NPFFR2: variants seen among roughly 807,000 people sequenced by gnomAD.
The protein encoded by NPFFR2 is neuropeptide FF receptor 2.
In NPFFR2, 15 loss-of-function variants were observed where a neutral mutation model predicts 13.1. The observed-to-expected ratio is 1.15, with a 90% confidence interval of 0.77 to 1.76. The LOEUF is 1.76. NPFFR2 is among the 40% of genes most tolerant of loss of function. The pLI, the probability that NPFFR2 is intolerant of heterozygous loss-of-function variation, is 0.00. For missense variants in NPFFR2, 572 were observed against 503.5 expected (o/e 1.14, Z -1.30); for synonymous variants, 190 against 175.7 (o/e 1.08, Z -0.65).
At chr4:72,131,977 T>C (rs1722257794) in intron 2 of NPFFR2, among the ~76,000 whole-genome samples, 1 of 152,106 alleles carries the variant, frequency 6.6e-6, no homozygotes, top group Non-Finnish European at 1.5e-5. Flanking sequence ...TTGATAATTA[T>C]TGTTATCACT....
intron 1 of NPFFR2, among the ~76,000 whole-genome samples, chr4:72,078,234 A>G (rs1720501685): frequency 6.6e-6 from 1 of 152,140 alleles, no homozygotes; most frequent in Non-Finnish European, 1.5e-5. Context: ...TGTAGCAACA[A>G]AATTGCTGCT....
chr4:72,074,765 A>G (rs908176845), intron 1 of NPFFR2, among the ~76,000 whole-genome samples: 2 of 152,172 alleles, frequency 1.3e-5, no homozygotes, highest in African/African-American at 4.8e-5. Flanking sequence ...TGATCCAACT[A>G]TATGCTGTCT....
rs937006796 is a variant in NPFFR2 at position 72,096,599 on chromosome 4, A to T, written c.-7-31986A>T. ...AGCATCTACTTTTAATATTGTATGAAGGAAGCTACATCAGTATCAACCAAG... is the reference window on the plus strand; with the variant it reads ...AGCATCTACTTTTAATATTGTATGATGGAAGCTACATCAGTATCAACCAAG... On this transcript the variant is annotated intron_variant, in intron 1 of 3. Transcript: ENST00000308744. 2.6e-5 allele frequency among the ~76,000 whole-genome samples: 4 copies of T among 152,236 alleles called. No individual in the cohort carries two copies. The South Asian group carries it at 6.2e-4, about 24-fold the overall frequency.
At chr4:72,106,455 T>C (rs1255509975) in intron 1 of NPFFR2, among the ~76,000 whole-genome samples, 1 of 152,048 alleles carries the variant, frequency 6.6e-6, no homozygotes, top group Admixed American at 6.6e-5. Context: ...CAGCCAGAGA[T>C]GAATTGCCCC....
At chr4:72,105,550 A>G (rs184356555) in intron 1 of NPFFR2, among the ~76,000 whole-genome samples, 63 of 152,142 alleles carry the variant, frequency 4.1e-4, no homozygotes, top group Non-Finnish European at 7.8e-4. Flanking sequence ...AGGAAAGATA[A>G]AACATCAAAA....
intron 1 of NPFFR2, among the ~76,000 whole-genome samples, chr4:72,050,279 G>A (rs7687603): frequency 6.6e-6 from 1 of 151,756 alleles, no homozygotes; most frequent in Non-Finnish European, 1.5e-5. Context: ...AGAAGACAGG[G>A]TACTATATAA....
intron 1 of NPFFR2, among the ~76,000 whole-genome samples, chr4:72,116,071 A>T (rs1386765229): frequency 6.6e-6 from 1 of 152,178 alleles, no homozygotes; most frequent in Non-Finnish European, 1.5e-5. Flanking sequence ...AGAGTAGGAT[A>T]TCCCTAGCAA....
chr4:72,088,846 A>C (rs1720839974), intron 1 of NPFFR2, among the ~76,000 whole-genome samples: 1 of 151,662 alleles, frequency 6.6e-6, no homozygotes, highest in Admixed American at 6.6e-5. Context: ...TTTTTTTTTC[A>C]ATAGGTTTTG....
chr4:72,085,407 A>G (rs1045812186), intron 1 of NPFFR2, among the ~76,000 whole-genome samples: 3 of 152,090 alleles, frequency 2.0e-5, no homozygotes, highest in Admixed American at 2.0e-4. Flanking sequence ...TATATTTTGC[A>G]TTTCAAGCTT....
At chr4:72,082,029 A>T (rs189376754) in intron 1 of NPFFR2, among the ~76,000 whole-genome samples, 3 of 152,272 alleles carry the variant, frequency 2.0e-5, no homozygotes, top group Admixed American at 2.0e-4. Context: ...TGAGGGTTGG[A>T]GTAGCTTTAA....
intron 1 of NPFFR2, among the ~76,000 whole-genome samples, chr4:72,083,704 C>G (rs1720692262): frequency 6.6e-6 from 1 of 152,106 alleles, no homozygotes; most frequent in Non-Finnish European, 1.5e-5. Context: ...TCTGATTCCA[C>G]AGTTTAAAAT....
chr4:72,108,508 GTTA>G (rs1465302315), intron 1 of NPFFR2, among the ~76,000 whole-genome samples: 2 of 151,800 alleles, frequency 1.3e-5, no homozygotes, highest in Admixed American at 1.3e-4. Context: ...CATTTCTCTA[GTTA>G]TTATTATTTG....
At chr4:72,140,783 A>G in intron 3 of NPFFR2, among the ~76,000 whole-genome samples, 1 of 152,158 alleles carries the variant, frequency 6.6e-6, no homozygotes, top group East Asian at 1.9e-4. Flanking sequence ...TCATAAAATG[A>G]GTTAAAGAGG....
intron 2 of NPFFR2, among the ~76,000 whole-genome samples, chr4:72,135,866 C>T (rs1280034897): frequency 6.6e-6 from 1 of 151,166 alleles, no homozygotes; most frequent in African/African-American, 2.4e-5. Flanking sequence ...TTATGGGGTA[C>T]ATATGATGTT....
chr4:72,066,638 T>C (rs993444371), intron 1 of NPFFR2, among the ~76,000 whole-genome samples: 1 of 31,708 alleles, frequency 3.2e-5, no homozygotes, highest in African/African-American at 4.9e-5. Flanking sequence ...GATGTTTCTG[T>C]TCCAAAAGGG....
At chr4:72,138,868 A>C (rs1249851217) in intron 3 of NPFFR2, among the ~76,000 whole-genome samples, 1 of 152,058 alleles carries the variant, frequency 6.6e-6, no homozygotes, top group Non-Finnish European at 1.5e-5. Flanking sequence ...ACTAGTTTAC[A>C]CTCCTACCAA....
At chr4:72,085,255 A>T (rs1289465758) in intron 1 of NPFFR2, among the ~76,000 whole-genome samples, 1 of 152,100 alleles carries the variant, frequency 6.6e-6, no homozygotes, top group Non-Finnish European at 1.5e-5. Context: ...ACATGGAGTT[A>T]TTGTTTGCTC....
rs576162822 is a variant in NPFFR2, at chr4:72,127,219, G to A, written c.-7-1366G>A. 1.1e-4 allele frequency among the ~76,000 whole-genome samples: 15 copies of A among 140,924 alleles called. No homozygotes were observed. In the East Asian group the frequency reaches 3.0e-3, roughly 28 times the overall value. The allele number at this position is 140,924 out of a possible 152,430, so 92.5% of individuals were successfully genotyped here. ...CTCGGGAGGGTGAGGCGGGAGAATG[G>A]CGTGAACCCGGGAGGTGGAGCTTGC... On this transcript the variant is annotated intron_variant, in intron 1 of 3. Coordinates refer to ENST00000308744, the MANE Select transcript of NPFFR2 (RefSeq NM_004885.3).
intron 1 of NPFFR2, among the ~76,000 whole-genome samples, chr4:72,115,583 C>T (rs1721690498): frequency 6.6e-6 from 1 of 152,136 alleles, no homozygotes; most frequent in African/African-American, 2.4e-5. Flanking sequence ...TCCAAGTTTA[C>T]CTCAAATAAC....
Sources: gnomAD v4.1 joint callset for allele counts (sites outside exome capture counted in the v4.1 genomes callset) on GRCh38, gnomAD v4.1.1 for gene constraint, MANE v1.5 for transcripts, NCBI Gene and HGNC (gene_info 2026-07-23, HGNC 2026-07-21) for gene names.